Variants in CLASP2 observed in about 807,000 individuals in gnomAD.
CLASP2 encodes the protein cytoplasmic linker associated protein 2, also known as CLIP-associating protein 2.
CLASP2 carries 47 observed loss-of-function variants against 194.4 expected under a neutral mutation model. That is an observed-to-expected ratio of 0.24 (90% confidence interval 0.19 to 0.31). The LOEUF is 0.31. Ranked by LOEUF, CLASP2 falls within the 10% of genes least tolerant of loss-of-function variation. The pLI, the probability that CLASP2 is intolerant of heterozygous loss-of-function variation, is 1.00. For synonymous variants in CLASP2, 619 were observed against 633.5 expected, an observed-to-expected ratio of 0.98 and a Z score of 0.34; for missense variants, 1,445 against 1,823.6, an observed-to-expected ratio of 0.79 and a Z score of 3.78.
intron 33 of CLASP2, among the ~76,000 whole-genome samples, chr3:33,537,918 G>C (rs2057668856): frequency 6.6e-6 from 1 of 152,148 alleles, no homozygotes. Context: ...GAGGTGGGCA[G>C]ATCACAAGGT....
At chr3:33,605,826 G>C (rs2073700983) in intron 16 of CLASP2, among the ~76,000 whole-genome samples, 1 of 152,058 alleles carries the variant, frequency 6.6e-6, no homozygotes, top group South Asian at 2.1e-4. Flanking sequence ...GGCCAGGCTG[G>C]TCTCGAACTC....
At chr3:33,542,822 T>C (rs2058591239) in intron 32 of CLASP2, among the ~76,000 whole-genome samples, 1 of 152,106 alleles carries the variant, frequency 6.6e-6, no homozygotes, top group African/African-American at 2.4e-5. Context: ...TTGAAAGACA[T>C]AGTTTGCAAT....
At chr3:33,639,359 T>TGGTC (rs1396885080) in intron 8 of CLASP2, among the ~76,000 whole-genome samples, 1 of 152,168 alleles carries the variant, frequency 6.6e-6, no homozygotes, top group Non-Finnish European at 1.5e-5. Context: ...TGTCCCAATA[T>TGGTC]GGTCCTCTTT....
At chr3:33,555,247 G>T (rs769802354) in intron 29 of CLASP2, among the ~76,000 whole-genome samples, 2 of 151,780 alleles carry the variant, frequency 1.3e-5, no homozygotes, top group African/African-American at 2.4e-5. Flanking sequence ...TAAATTTATT[G>T]CAAAAAAACA....
In CLASP2 at chr3:33,713,012, C is replaced by CAAAAAAAAAAAAAAAAAAAAAAAAAAAA. The variant is rs57940200; in HGVS notation, c.195+4795_195+4796insTTTTTTTTTTTTTTTTTTTTTTTTTTTT. ...GGGCGACAAGAGCAAAACTCCACCTCAAAAAAAAAAAAAAAAAAAAAAAAA... is the reference window on the plus strand; with the variant it reads ...GGGCGACAAGAGCAAAACTCCACCTCAAAAAAAAAAAAAAAAAAAAAAAAAAAAAAAAAAAAAAAAAAAAAAAAAAAAA... On this transcript the variant is annotated intron_variant, in intron 1 of 38. Transcript: ENST00000682230. 4.7e-4 allele frequency among the ~76,000 whole-genome samples: 22 copies of CAAAAAAAAAAAAAAAAAAAAAAAAAAAA among 47,006 alleles called. 1 individual carries two copies. The highest frequency in any genetic ancestry group is 8.3e-4 in the South Asian group (1 of 1,198). The allele number at this position is 47,006 out of a possible 152,430, so 30.8% of individuals were successfully genotyped here. A position where few individuals can be genotyped will look rare whatever the true frequency, so the allele number is the denominator to read the frequency against.
At chr3:33,635,509 C>T (rs979314469) in intron 8 of CLASP2, among the ~76,000 whole-genome samples, 1 of 152,074 alleles carries the variant, frequency 6.6e-6, no homozygotes. Flanking sequence ...ACAAGACTTA[C>T]AAAGCTGAAA....
In CLASP2 at chr3:33,594,990, A is replaced by G. The variant is rs939356141; in HGVS notation, c.1949-22T>C. The stretch of plus-strand genomic sequence containing the variant: ...GTTCCTAAATAAGAAAAATAAAACA[A>G]CATTTCAACAAATTCTGCCAATGTT... On this transcript the variant is annotated intron_variant, in intron 19 of 38. Coordinates refer to ENST00000682230, the MANE Select transcript of CLASP2 (RefSeq NM_001365631.1). 7 of 1,417,978 alleles carry G rather than the reference A, an allele frequency of 4.9e-6. No individual in the cohort carries two copies. The African/African-American group carries it at 7.2e-5, about 15-fold the overall frequency. The allele number at this position is 1,417,978 out of a possible 1,614,324, so 87.8% of individuals were successfully genotyped here.
chr3:33,678,651 A>T (rs1329666738), intron 6 of CLASP2, among the ~76,000 whole-genome samples: 1 of 152,224 alleles, frequency 6.6e-6, no homozygotes, highest in Non-Finnish European at 1.5e-5. Context: ...GGAGTTCTTT[A>T]GAGAGAAGGA....
At chr3:33,663,215 AAAG>A (rs1180513229) in intron 7 of CLASP2, among the ~76,000 whole-genome samples, 2 of 151,528 alleles carry the variant, frequency 1.3e-5, no homozygotes, top group African/African-American at 4.8e-5. Flanking sequence ...AAAAAAAAAA[AAAG>A]AACAGTATCA....
intron 33 of CLASP2, among the ~76,000 whole-genome samples, chr3:33,537,301 G>A (rs1268109144): frequency 6.6e-6 from 1 of 152,174 alleles, no homozygotes; most frequent in Admixed American, 6.5e-5. Context: ...TGATAAGCTG[G>A]TTTTGGCAGC....
chr3:33,496,677 A>G lies in CLASP2; in HGVS notation c.*1954T>C, dbSNP rs995952594. The G allele has an allele frequency of 2.0e-5, 3 of 152,212 alleles. No individual in the cohort carries two copies. Among genetic ancestry groups the G allele is most frequent in the African/African-American group, 7.2e-5 (3 of 41,460 alleles). 9.4% of individuals were successfully genotyped at this position (152,212 alleles called of 1,614,324 possible). A position where few individuals can be genotyped will look rare whatever the true frequency, so the allele number is the denominator to read the frequency against. ...CTACTTGGTTGTCAACAGTAGTTAA[A>G]GCAGTATCTTAAACCAGAGGTCAAA... is the stretch of plus-strand genomic sequence containing the variant. On this transcript the variant is annotated 3_prime_UTR_variant, in exon 39 of 39. Transcript: ENST00000682230.
intron 37 of CLASP2, among the ~76,000 whole-genome samples, chr3:33,509,151 G>A (rs745742417): frequency 1.4e-4 from 22 of 152,192 alleles, no homozygotes; most frequent in Non-Finnish European, 2.8e-4. Context: ...CCAATTCAAA[G>A]TTAAGGTTTT....
intron 2 of CLASP2, among the ~76,000 whole-genome samples, chr3:33,692,293 TAAC>T (rs1456844963): frequency 2.0e-5 from 3 of 152,132 alleles, no homozygotes; most frequent in African/African-American, 7.2e-5. Context: ...AACAACCATA[TAAC>T]AATAATGGAA....
chr3:33,676,918 G>T (rs1002996924), intron 6 of CLASP2, among the ~76,000 whole-genome samples: 1 of 152,170 alleles, frequency 6.6e-6, no homozygotes, highest in African/African-American at 2.4e-5. Flanking sequence ...CTTCTCAAAA[G>T]AAGCCATTTA....
At chr3:33,697,132 C>T (rs1341793103) in intron 1 of CLASP2, among the ~76,000 whole-genome samples, 199 bp from the exon 2 acceptor site, 1 of 152,086 alleles carries the variant, frequency 6.6e-6, no homozygotes, top group Non-Finnish European at 1.5e-5. Context: ...ACAATAATAA[C>T]GTGTAAACAG....
intron 7 of CLASP2, among the ~76,000 whole-genome samples, chr3:33,660,781 T>C (rs531840823): frequency 6.6e-6 from 1 of 152,354 alleles, no homozygotes; most frequent in South Asian, 2.1e-4. Context: ...ATGAACTATT[T>C]CCACAAGATT....
chr3:33,561,079 G>A (rs997236925), intron 27 of CLASP2, 108 bp from the exon 28 acceptor site: 35 of 915,530 alleles, frequency 3.8e-5, no homozygotes, highest in Admixed American at 5.6e-5. Flanking sequence ...GAGGCACAGC[G>A]ATTGGCAGCC....
At chr3:33,650,821 A>C (rs1411378724) in intron 7 of CLASP2, among the ~76,000 whole-genome samples, 2 of 152,184 alleles carry the variant, frequency 1.3e-5, no homozygotes, top group Non-Finnish European at 2.9e-5. Context: ...AGGAAAAAGA[A>C]GACCAAGTAA....
At chr3:33,708,557 T>TAC (rs1179804039) in intron 1 of CLASP2, among the ~76,000 whole-genome samples, 1 of 146,366 alleles carries the variant, frequency 6.8e-6, no homozygotes, top group East Asian at 2.0e-4. Context: ...TATATATATA[T>TAC]ATATACATAC....
Sources: allele counts gnomAD v4.1 joint callset (sites outside exome capture counted in the v4.1 genomes callset), GRCh38; gene constraint gnomAD v4.1.1; transcripts MANE v1.5; gene names NCBI Gene and HGNC (gene_info 2026-07-23, HGNC 2026-07-21).